SLC7A14: variants seen among roughly 807,000 people sequenced by gnomAD.
SLC7A14 encodes the protein solute carrier family 7 member 14, also known as gamma-aminobutyric acid transporter SLC7A14.
SLC7A14 carries 37 observed loss-of-function variants against 60.2 expected under a neutral mutation model. The observed-to-expected ratio is 0.61, with a 90% CI of 0.47 to 0.81. SLC7A14 has a LOEUF of 0.81. SLC7A14 is among the 30% of genes least tolerant of loss of function. SLC7A14 has a pLI of 0.00. For missense variants in SLC7A14, 886 were observed against 982.7 expected, an observed-to-expected ratio of 0.90 and a Z score of 1.32; for synonymous variants, 399 against 395.8, an observed-to-expected ratio of 1.01 and a Z score of -0.10.
At chr3:170,548,307 TA>T (rs374622749) in intron 1 of SLC7A14, among the ~76,000 whole-genome samples, 38 of 149,204 alleles carry the variant, frequency 2.5e-4, no homozygotes, top group East Asian at 7.8e-4. Context: ...TAACAGACAT[TA>T]AAAAAAAAAT....
intron 2 of SLC7A14, among the ~76,000 whole-genome samples, chr3:170,512,310 G>C (rs989411529): frequency 6.6e-6 from 1 of 152,304 alleles, no homozygotes; most frequent in East Asian, 1.9e-4. Context: ...CACATTCTCA[G>C]AAGATGACTA....
intron 3 of SLC7A14, among the ~76,000 whole-genome samples, chr3:170,499,978 T>G (rs1481878644): frequency 6.6e-6 from 1 of 152,238 alleles, no homozygotes; most frequent in Non-Finnish European, 1.5e-5. Flanking sequence ...ATTTTTATCT[T>G]GTCATGGTAC....
chr3:170,576,466 G>C (rs949119337), intron 1 of SLC7A14, among the ~76,000 whole-genome samples: 1 of 152,192 alleles, frequency 6.6e-6, no homozygotes, highest in Non-Finnish European at 1.5e-5. Flanking sequence ...GGTTGGAGGA[G>C]GCTTTTTGTA....
chr3:170,495,738 A>C (rs1281573698), intron 4 of SLC7A14: 1 of 1,168,644 alleles, frequency 8.6e-7, no homozygotes, highest in Non-Finnish European at 1.3e-6. Context: ...GACCCTCAAC[A>C]ACAAGTTTGC....
At chr3:170,523,966 G>T (rs1192028474) in intron 2 of SLC7A14, among the ~76,000 whole-genome samples, 1 of 152,168 alleles carries the variant, frequency 6.6e-6, no homozygotes, top group Admixed American at 6.5e-5. Context: ...CTGACTAGGG[G>T]CTCTGGGAGG....
intron 2 of SLC7A14, among the ~76,000 whole-genome samples, chr3:170,504,518 T>C (rs1712711676): frequency 1.3e-5 from 2 of 151,904 alleles, no homozygotes; most frequent in Admixed American, 1.3e-4. Context: ...ATGGGGTTTC[T>C]CCATGTTGGC....
At chr3:170,584,092 G>A (rs894738141) in intron 1 of SLC7A14, among the ~76,000 whole-genome samples, 3 of 152,158 alleles carry the variant, frequency 2.0e-5, no homozygotes, top group African/African-American at 7.2e-5. Flanking sequence ...CTTTTGGTTG[G>A]CAGCTATTGT....
intron 2 of SLC7A14, among the ~76,000 whole-genome samples, chr3:170,515,028 T>G (rs1003905652): frequency 6.6e-6 from 1 of 152,064 alleles, no homozygotes; most frequent in Non-Finnish European, 1.5e-5. Flanking sequence ...AAAATAATAT[T>G]TGGGCTAAGC....
chr3:170,551,001 C>T (rs995334796), intron 1 of SLC7A14, among the ~76,000 whole-genome samples: 2 of 152,118 alleles, frequency 1.3e-5, no homozygotes, highest in Admixed American at 6.5e-5. Context: ...AATTTTAGAA[C>T]ATTGTAATTA....
intron 5 of SLC7A14, among the ~76,000 whole-genome samples, chr3:170,485,237 C>T (rs529304627): frequency 1.8e-4 from 28 of 152,276 alleles, no homozygotes; most frequent in Admixed American, 9.8e-4. Flanking sequence ...TGTCTGTAAA[C>T]GACCCTCAAG....
Position 170,526,907 on chromosome 3 carries a change from G to T in SLC7A14, c.30C>A (p.Pro10=). The change falls in exon 2 of 8, where the codon CCC becomes CCA. Residue 10 remains proline (P), a synonymous_variant. Coordinates refer to ENST00000231706, the MANE Select transcript of SLC7A14 (RefSeq NM_020949.3). ...AGGCAGCTCCCCACTGCACCCGCCG[G>T]GGGTCCAGCGAGGTGAAGAAGCCAC... MSGFFTSLD[P]RRVQWGAAWY... The T allele has an allele frequency of 6.2e-7, 1 of 1,613,676 alleles. No individual in the cohort carries two copies. Among genetic ancestry groups the T allele is most frequent in the Non-Finnish European group, 8.5e-7 (1 of 1,179,836 alleles).
At chr3:170,485,584 C>T (rs1205881751) in intron 5 of SLC7A14, among the ~76,000 whole-genome samples, 2 of 152,102 alleles carry the variant, frequency 1.3e-5, no homozygotes, top group Non-Finnish European at 2.9e-5. Context: ...CGAGAGCAAG[C>T]ATCAGAGCAT....
chr3:170,547,760 C>A (rs1258993900), intron 1 of SLC7A14, among the ~76,000 whole-genome samples: 1 of 152,150 alleles, frequency 6.6e-6, no homozygotes, highest in African/African-American at 2.4e-5. Context: ...CCTAATGTAT[C>A]AGCGATATCA....
At chr3:170,512,977 G>A (rs55977230) in intron 2 of SLC7A14, among the ~76,000 whole-genome samples, 5,443 of 152,196 alleles carry the variant, frequency 0.036, 140 homozygotes, top group Middle Eastern at 0.11. Flanking sequence ...AACTGTGGCC[G>A]CAGTGTCTTC....
intron 1 of SLC7A14, among the ~76,000 whole-genome samples, chr3:170,531,327 T>G (rs1713674335): frequency 6.6e-6 from 1 of 152,110 alleles, no homozygotes; most frequent in Admixed American, 6.5e-5. Flanking sequence ...TGTCTGGAGA[T>G]ATCTCCTGGG....
At chr3:170,483,569 G>C (rs746052583) in intron 5 of SLC7A14, 47 bp from the exon 6 acceptor site, 2 of 1,603,728 alleles carry the variant, frequency 1.2e-6, no homozygotes, top group East Asian at 4.5e-5. Context: ...GGGAAGAACA[G>C]CATGGATAGA....
At chr3:170,475,296 G>A (rs1223061396) in intron 7 of SLC7A14, among the ~76,000 whole-genome samples, 1 of 152,172 alleles carries the variant, frequency 6.6e-6, no homozygotes. Flanking sequence ...ATAAAAAAAT[G>A]TGTCTTAAGA....
In SLC7A14 at chr3:170,460,284, G is replaced by A. The variant is rs1490256432; in HGVS notation, c.*6771C>T. 6.6e-6 allele frequency: 1 copy of A among 152,174 alleles called. No homozygotes were observed. Among genetic ancestry groups the A allele is most frequent in the Non-Finnish European group, 1.5e-5 (1 of 68,036 alleles). The allele number at this position is 152,174 out of a possible 1,614,324, so 9.4% of individuals were successfully genotyped here. A position where few individuals can be genotyped will look rare whatever the true frequency, so the allele number is the denominator to read the frequency against. Reference sequence around the variant, plus strand: ...CTTTGGATATTAATTAAACAGTAACGTTTCTTTTCCACAGTGAGAAAAGCT... The same window carrying A: ...CTTTGGATATTAATTAAACAGTAACATTTCTTTTCCACAGTGAGAAAAGCT... On this transcript the variant is annotated 3_prime_UTR_variant, in exon 8 of 8. Coordinates refer to ENST00000231706, the MANE Select transcript of SLC7A14 (RefSeq NM_020949.3).
rs1714710635 is a variant in SLC7A14 at position 170,563,425 on chromosome 3, T to G, written c.-153+22486A>C. On this transcript the variant is annotated intron_variant, in intron 1 of 7. Coordinates refer to ENST00000231706, the MANE Select transcript of SLC7A14 (RefSeq NM_020949.3). ...ACACTGTTTGTTTGTTTGTTTTTTT[T>G]TTTTTTTTTTGAGATGGAGTCTTAC... Among the ~76,000 whole-genome samples the G allele has an allele frequency of 4.7e-5, 7 of 149,216 alleles. No individual in the cohort carries two copies. In the South Asian group the frequency reaches 1.1e-3, roughly 23 times the overall value.
Sources: gnomAD v4.1 joint callset for allele counts (sites outside exome capture counted in the v4.1 genomes callset) on GRCh38, gnomAD v4.1.1 for gene constraint, MANE v1.5 for transcripts, NCBI Gene and HGNC (gene_info 2026-07-23, HGNC 2026-07-21) for gene names.